The following SAMD12 variants were observed in gnomAD, a reference collection of about 807,000 sequenced individuals.
SAMD12 encodes sterile alpha motif domain containing 12, also known as sterile alpha motif domain-containing protein 12.
SAMD12 carries 9 observed loss-of-function variants against 15.0 expected under a neutral mutation model. The observed-to-expected ratio is 0.60, with a 90% CI of 0.36 to 1.05. SAMD12 has a LOEUF of 1.05. Among genes scored for constraint, SAMD12 ranks in the 50% least tolerant of loss-of-function variants. The pLI is 0.01. For synonymous variants in SAMD12, 86 were observed against 90.1 expected (o/e 0.96, Z 0.25); for missense variants, 230 against 234.2 (o/e 0.98, Z 0.12).
intron 4 of SAMD12, among the ~76,000 whole-genome samples, chr8:118,246,854 G>T (rs1812708792): frequency 6.6e-6 from 1 of 152,104 alleles, no homozygotes; most frequent in Non-Finnish European, 1.5e-5. Context: ...CATGTGTAGA[G>T]GTTCAAAGGC....
At chr8:118,488,655 T>C (rs925621837) in intron 2 of SAMD12, among the ~76,000 whole-genome samples, 1 of 152,216 alleles carries the variant, frequency 6.6e-6, no homozygotes, top group Non-Finnish European at 1.5e-5. Flanking sequence ...TCTGGCTCCT[T>C]TTGTTTTGTA....
intron 4 of SAMD12, among the ~76,000 whole-genome samples, chr8:118,237,435 G>A (rs1387947941): frequency 1.3e-5 from 2 of 152,152 alleles, no homozygotes; most frequent in Non-Finnish European, 2.9e-5. Context: ...ATTCGAAGGA[G>A]CAACCCTTCC....
Position 118,499,066 on chromosome 8 carries a change from C to G in SAMD12, c.193-59105G>C, listed in dbSNP as rs369741780. Among the ~76,000 whole-genome samples, 9 of 152,314 alleles carry G rather than the reference C, an allele frequency of 5.9e-5. No homozygotes were observed. In the South Asian group the frequency reaches 1.9e-3, roughly 32 times the overall value. The stretch of plus-strand genomic sequence containing the variant: ...GTAATGAACAACCCCCACATCTGTA[C>G]GACTTAACACAAGTTTACTTCCTGC... On this transcript the variant is annotated intron_variant, in intron 2 of 3. Transcript: ENST00000314727.
At chr8:118,213,762 C>A (rs1340860521) in intron 4 of SAMD12, among the ~76,000 whole-genome samples, 1 of 152,172 alleles carries the variant, frequency 6.6e-6, no homozygotes, top group African/African-American at 2.4e-5. Flanking sequence ...GACTCCTGAA[C>A]TGAAACTCTT....
At chr8:118,416,841 T>C (rs1261717218) in intron 3 of SAMD12, among the ~76,000 whole-genome samples, 1 of 152,260 alleles carries the variant, frequency 6.6e-6, no homozygotes, top group South Asian at 2.1e-4. Context: ...TACAATAATC[T>C]GATTTTGATG....
At chr8:118,261,849 T>C (rs990019703) in intron 4 of SAMD12, among the ~76,000 whole-genome samples, 5 of 152,092 alleles carry the variant, frequency 3.3e-5, no homozygotes, top group Middle Eastern at 3.4e-3. Context: ...GTTGCAGAGG[T>C]AGGATTTGCA....
intron 2 of SAMD12, among the ~76,000 whole-genome samples, chr8:118,524,249 T>C (rs1044942830): frequency 6.6e-6 from 1 of 152,112 alleles, no homozygotes; most frequent in Non-Finnish European, 1.5e-5. Context: ...TGGTCACCAA[T>C]GACTCCACAT....
intron 1 of SAMD12, among the ~76,000 whole-genome samples, chr8:118,588,001 G>A (rs940555358): frequency 2.0e-5 from 3 of 152,238 alleles, no homozygotes; most frequent in Admixed American, 6.5e-5. Context: ...AATAAGTATA[G>A]TATGAATAAC....
At chr8:118,497,730 G>GGGC (rs1554674800) in intron 2 of SAMD12, among the ~76,000 whole-genome samples, 1 of 114,446 alleles carries the variant, frequency 8.7e-6, no homozygotes, top group African/African-American at 3.8e-5. Context: ...TTGCGGGGGG[G>GGGC]GGTGGGGGGA....
At position 118,621,911 on chromosome 8, in the gene SAMD12, T is replaced by C; in HGVS notation, c.-95A>G. The C allele has an allele frequency of 7.0e-7, 1 of 1,428,808 alleles. No homozygotes were observed. Among genetic ancestry groups the C allele is most frequent in the Middle Eastern group, 1.8e-4 (1 of 5,680 alleles). 88.5% of individuals were successfully genotyped at this position (1,428,808 alleles called of 1,614,324 possible). ...CCTTCCTCTCGCTTTCGCCTAAATA[T>C]TCTGCGCTTATCTGCTCCAGGACCA... On this transcript the variant is annotated 5_prime_UTR_variant, in exon 1 of 4. Coordinates refer to ENST00000314727, the MANE Select transcript of SAMD12 (RefSeq NM_207506.3).
chr8:118,324,940 G>C (rs566583834), intron 4 of SAMD12, among the ~76,000 whole-genome samples: 96 of 152,274 alleles, frequency 6.3e-4, no homozygotes, highest in African/African-American at 2.2e-3. Flanking sequence ...ATCTGTATTT[G>C]TGGAATGAAT....
intron 2 of SAMD12, among the ~76,000 whole-genome samples, chr8:118,550,770 T>C (rs1045819564): frequency 6.6e-6 from 1 of 151,466 alleles, no homozygotes; most frequent in African/African-American, 2.4e-5. Flanking sequence ...CAGTGTGTTG[T>C]ATTCAGGAAA....
chr8:118,551,628 A>G (rs907923459), intron 2 of SAMD12, among the ~76,000 whole-genome samples: 2 of 151,912 alleles, frequency 1.3e-5, no homozygotes, highest in Admixed American at 6.5e-5. Context: ...TAGAAAAGCA[A>G]GAGCAAACAC....
intron 2 of SAMD12, among the ~76,000 whole-genome samples, chr8:118,546,961 C>A (rs983997139): frequency 7.2e-5 from 11 of 152,166 alleles, no homozygotes; most frequent in African/African-American, 2.7e-4. Flanking sequence ...TCACTGAAAA[C>A]CATTTTTCTT....
the SAMD12 span, among the ~76,000 whole-genome samples, chr8:118,160,129 T>C: frequency 2.6e-5 from 4 of 152,194 alleles, no homozygotes; most frequent in African/African-American, 7.2e-5. Context: ...TGTAAAAATA[T>C]ATAGCATCCA....
At chr8:118,472,012 G>A (rs921415933) in intron 2 of SAMD12, among the ~76,000 whole-genome samples, 1 of 152,098 alleles carries the variant, frequency 6.6e-6, no homozygotes, top group Admixed American at 6.5e-5. Context: ...AATAGGCCGG[G>A]CGCGGTGGCT....
chr8:118,132,764 C>T, the SAMD12 span, among the ~76,000 whole-genome samples: 1 of 151,770 alleles, frequency 6.6e-6, no homozygotes, highest in African/African-American at 2.4e-5. Context: ...TTCCACCATC[C>T]CAAACATTGG....
At chr8:118,189,681 A>G (rs974422662) in exon 5 of SAMD12, 19 of 152,166 alleles carry the variant, frequency 1.2e-4, no homozygotes, top group Non-Finnish European at 2.2e-4. Flanking sequence ...GACAACTGGA[A>G]ACAGAAGGAA....
intron 3 of SAMD12, among the ~76,000 whole-genome samples, chr8:118,391,103 G>A (rs1820252027): frequency 6.6e-6 from 1 of 152,064 alleles, no homozygotes; most frequent in South Asian, 2.1e-4. Context: ...GCGTTTGTTA[G>A]TACATGTGAT....
Sources: allele counts gnomAD v4.1 joint callset (sites outside exome capture counted in the v4.1 genomes callset), GRCh38; gene constraint gnomAD v4.1.1; transcripts MANE v1.5; gene names NCBI Gene and HGNC (gene_info 2026-07-23, HGNC 2026-07-21).